The following SLC16A3 variants were observed in gnomAD, a reference collection of about 807,000 sequenced individuals.
SLC16A3 encodes solute carrier family 16 member 3.
In SLC16A3, 22 loss-of-function variants were observed where a neutral mutation model predicts 25.0. That is an observed-to-expected ratio of 0.88 (90% CI 0.63 to 1.26). The LOEUF (loss-of-function observed/expected upper bound fraction) is 1.26, where lower values mean the gene tolerates loss of function less well. Among genes scored for constraint, SLC16A3 ranks in the 50% most tolerant of loss-of-function variants. The probability of loss-of-function intolerance (pLI) is 0.00; values close to 1 mark genes in which losing one functional copy is unlikely to be tolerated. For synonymous variants in SLC16A3, 390 were observed against 309.2 expected (o/e 1.26, Z -2.74); for missense variants, 731 against 666.6 (o/e 1.10, Z -1.06).
chr17:82,233,942 G>A (rs1472734365), intron 1 of SLC16A3: 3 of 152,168 alleles, frequency 2.0e-5, no homozygotes, highest in African/African-American at 4.8e-5. Context: ...CTGGGTTCAC[G>A]CCATTCTCCT....
At chr17:82,236,451 G>A (rs1312322612) in intron 2 of SLC16A3, 7 of 630,104 alleles carry the variant, frequency 1.1e-5, no homozygotes, top group African/African-American at 3.7e-5. Flanking sequence ...CAAACGGGTC[G>A]GCTGTATTTA....
At chr17:82,222,370 A>G (rs1159792680) in intron 1 of SLC16A3, among the ~76,000 whole-genome samples, 1 of 152,262 alleles carries the variant, frequency 6.6e-6, no homozygotes, top group East Asian at 1.9e-4. Flanking sequence ...ATCTGTTCAC[A>G]CAAATACTGG....
chr17:82,226,720 G>A (rs1278611467), upstream of SLC16A3, among the ~76,000 whole-genome samples: 1 of 152,084 alleles, frequency 6.6e-6, no homozygotes, highest in Non-Finnish European at 1.5e-5. Flanking sequence ...TCTAAAAGCT[G>A]AGCACTTGGA....
intron 1 of SLC16A3, among the ~76,000 whole-genome samples, chr17:82,218,858 G>T (rs771880354): frequency 1.3e-5 from 2 of 152,194 alleles, no homozygotes; most frequent in Non-Finnish European, 2.9e-5. Flanking sequence ...CCAGGCGCTG[G>T]GGTGGGCAGG....
At position 82,237,247 on chromosome 17, in the gene SLC16A3, C is replaced by T; in HGVS notation, c.477C>T (p.Phe159=). 1.3e-6 allele frequency: 2 copies of T among 1,561,488 alleles called. No individual in the cohort carries two copies. The highest frequency in any genetic ancestry group is 1.7e-6 in the Non-Finnish European group (2 of 1,153,118). ...TGGCGGCAGCAGGTAGCCCTGTCTT[C>T]CTGTGTGCCCTGAGCCCGCTGGGGC... ...NGLAAAGSPV[F]LCALSPLGQL... The change falls in exon 4 of 5, where the codon TTC becomes TTT. Residue 159 remains phenylalanine, a synonymous_variant. Coordinates refer to ENST00000582743, the MANE Select transcript of SLC16A3 (RefSeq NM_004207.4).
Position 82,239,788 on chromosome 17 carries a change from T to A in SLC16A3, c.*812T>A. ...AGAAACAGGACCCTCCTGCCTTCCC[T>A]TTTTCGCCCCTCTGCCTGGCTGGCA... On this transcript the variant is annotated 3_prime_UTR_variant, in exon 5 of 5. Transcript: ENST00000582743. 2.5e-6 allele frequency: 1 copy of A among 396,118 alleles called. No individual in the cohort carries two copies. Among genetic ancestry groups the A allele is most frequent in the Non-Finnish European group, 4.4e-6 (1 of 225,588 alleles). The allele number at this position is 396,118 out of a possible 1,614,324, so 24.5% of individuals were successfully genotyped here.
intron 1 of SLC16A3, among the ~76,000 whole-genome samples, chr17:82,221,503 A>C (rs2050388753): frequency 6.6e-6 from 1 of 152,046 alleles, no homozygotes; most frequent in Non-Finnish European, 1.5e-5. Flanking sequence ...CGGGAGGTGA[A>C]GGCTGCAGTG....
At chr17:82,223,043 C>G (rs72854779) in intron 1 of SLC16A3, among the ~76,000 whole-genome samples, 30,390 of 151,942 alleles carry the variant, frequency 0.2, 3,223 homozygotes, top group Non-Finnish European at 0.23. Flanking sequence ...AATGAGTGCA[C>G]GGTGTTTTTA....
rs751794791 is a variant in SLC16A3 at position 82,237,648 on chromosome 17, A to G, written c.878A>G (p.Tyr293Cys). 5 of 1,612,400 alleles carry G rather than the reference A, an allele frequency of 3.1e-6. No individual in the cohort carries two copies. The highest frequency in any genetic ancestry group is 1.1e-5 in the South Asian group (1 of 91,062). ...FVAGLGKVRP[Y>C]SVYLFSFSMF... Reference sequence around the variant, plus strand: ...GCGGGGCTTGGGAAGGTGCGGCCCTACTCCGTCTACCTCTTCAGCTTCTCC... The same window carrying G: ...GCGGGGCTTGGGAAGGTGCGGCCCTGCTCCGTCTACCTCTTCAGCTTCTCC... Residue 293 changes from tyrosine (Y) to cysteine (C), a missense_variant, in exon 4 of 5, where the codon TAC (tyrosine) becomes TGC (cysteine). By Grantham distance (194) the Tyr-to-Cys change is radical. Transcript: ENST00000582743.
upstream of SLC16A3, among the ~76,000 whole-genome samples, chr17:82,228,850 G>T (rs1029080033): frequency 2.0e-5 from 3 of 150,906 alleles, no homozygotes; most frequent in Non-Finnish European, 4.4e-5. Context: ...GGCCGGTTCC[G>T]GTTGGGGGGG....
upstream of SLC16A3, among the ~76,000 whole-genome samples, chr17:82,224,366 A>G (rs2050408584): frequency 1.0e-5 from 1 of 95,752 alleles, no homozygotes; most frequent in Admixed American, 1.0e-4. Context: ...ACACCCCTAC[A>G]CCCGTGCAGT....
rs925266523 is a variant in SLC16A3, at chr17:82,239,820, G to A, written c.*844G>A. ...CCCCTCTGCCTGGCTGGCAGTGTGC[G>A]TGGTGTGGTCAGTGCCCAGGGCTGG... On this transcript the variant is annotated 3_prime_UTR_variant, in exon 5 of 5. Coordinates refer to ENST00000582743, the MANE Select transcript of SLC16A3 (RefSeq NM_004207.4). 27 of 411,158 alleles carry A rather than the reference G, an allele frequency of 6.6e-5. No individual in the cohort carries two copies. The highest frequency in any genetic ancestry group is 2.9e-4 in the African/African-American group (14 of 48,876). The allele number at this position is 411,158 out of a possible 1,614,324, so 25.5% of individuals were successfully genotyped here.
intron 1 of SLC16A3, chr17:82,230,849 C>T (rs1444690163): frequency 6.6e-6 from 1 of 152,204 alleles, no homozygotes; most frequent in Non-Finnish European, 1.5e-5. Flanking sequence ...AAATGGGCCA[C>T]GCCGGGCAGC....
upstream of SLC16A3, among the ~76,000 whole-genome samples, chr17:82,226,359 G>C (rs1198531286): frequency 6.6e-6 from 1 of 152,144 alleles, no homozygotes; most frequent in Non-Finnish European, 1.5e-5. Flanking sequence ...GGGCCACTGT[G>C]GGGGAGCAAG....
intron 4 of SLC16A3, 119 bp downstream of exon 4, chr17:82,238,012 A>AGGG (rs1182952648): frequency 8.1e-7 from 1 of 1,235,636 alleles, no homozygotes; most frequent in Non-Finnish European, 1.1e-6. Context: ...TCAGAGCTGG[A>AGGG]GGGGGTGCAC....
At chr17:82,232,889 G>A (rs1019167673) in intron 1 of SLC16A3, among the ~76,000 whole-genome samples, 1 of 150,614 alleles carries the variant, frequency 6.6e-6, no homozygotes, top group Admixed American at 6.6e-5. Flanking sequence ...GTTATTTCTG[G>A]GTGGGTTGGC....
upstream of SLC16A3, among the ~76,000 whole-genome samples, chr17:82,225,256 G>GT (rs1282435078): frequency 6.6e-6 from 1 of 151,844 alleles, no homozygotes. Flanking sequence ...GTGAGACTCT[G>GT]TCAAAAAAAA....
In SLC16A3 at chr17:82,237,564, T is replaced by C. The variant is rs1232220606; in HGVS notation, c.794T>C (p.Phe265Ser). 5 of 1,611,338 alleles carry C rather than the reference T, an allele frequency of 3.1e-6. No individual in the cohort carries two copies. Among genetic ancestry groups the C allele is most frequent in the Non-Finnish European group, 4.2e-6 (5 of 1,178,918 alleles). The part of the protein sequence containing the change: ...DLGVPDTKAA[F>S]LLTILGFIDI... ...GGCGTGCCCGACACCAAGGCCGCCT[T>C]CCTGCTCACCATCCTGGGCTTCATT... Residue 265 changes from phenylalanine (F) to serine (S), a missense_variant, in exon 4 of 5, where the codon TTC becomes TCC. Phe to Ser is a radical substitution (Grantham distance 155). Coordinates refer to ENST00000582743, the MANE Select transcript of SLC16A3 (RefSeq NM_004207.4).
Position 82,236,087 on chromosome 17 carries a change from G to A in SLC16A3, c.79G>A (p.Gly27Ser), listed in dbSNP as rs376453151. Residue 27 changes from glycine (G) to serine (S), a missense_variant, in exon 2 of 5, where the codon GGC becomes AGC. By Grantham distance (56) the Gly-to-Ser change is moderately conservative. Coordinates refer to ENST00000582743, the MANE Select transcript of SLC16A3 (RefSeq NM_004207.4). ...CGGCTGGGGCTGGGCCGTGCTCTTCGGCTGTTTCGTCATCACTGGCTTCTC... is the reference window on the plus strand; with the variant it reads ...CGGCTGGGGCTGGGCCGTGCTCTTCAGCTGTTTCGTCATCACTGGCTTCTC... ...DGGWGWAVLF[G>S]CFVITGFSYA... 76 of 1,612,970 alleles carry A rather than the reference G, an allele frequency of 4.7e-5. No individual in the cohort carries two copies. In the African/African-American group the frequency reaches 6.9e-4, roughly 15 times the overall value.
Sources: allele counts gnomAD v4.1 joint callset (sites outside exome capture counted in the v4.1 genomes callset), GRCh38; gene constraint gnomAD v4.1.1; transcripts MANE v1.5; gene names NCBI Gene and HGNC (gene_info 2026-07-23, HGNC 2026-07-21).